Variants in VILL observed in about 807,000 individuals in gnomAD.
VILL encodes villin like.
In VILL, 102 loss-of-function variants were observed where a neutral mutation model predicts 106.3. The ratio of observed to expected loss-of-function variants is 0.96; its 90% CI spans 0.82 to 1.13. The LOEUF (loss-of-function observed/expected upper bound fraction) is 1.13. Among genes scored for constraint, VILL ranks in the 50% most tolerant of loss-of-function variants. The pLI is 0.00. For missense variants in VILL, 1,076 were observed against 1,116.6 expected, an observed-to-expected ratio of 0.96 and a Z score of 0.52; for synonymous variants, 431 against 440.3, an observed-to-expected ratio of 0.98 and a Z score of 0.27.
Position 38,004,302 on chromosome 3 carries a change from C to G in VILL, c.1853C>G (p.Ser618Cys). 1.9e-6 allele frequency: 3 copies of G among 1,613,988 alleles called. No individual in the cohort carries two copies. The highest frequency in any genetic ancestry group is 2.5e-6 in the Non-Finnish European group (3 of 1,179,806). ...TTCCAGCCACGACTGTTTGAGTGCT[C>G]CAGCCACATGGGCTGCCTGGTCCTC... ...PSFQPRLFEC[S>C]SHMGCLVLAE... Residue 618 changes from serine (S) to cysteine (C), a missense_variant, in exon 16 of 20, where the codon TCC becomes TGC. By Grantham distance (112) the Ser-to-Cys change is moderately radical (BLOSUM62 -1). Coordinates refer to ENST00000383759, the MANE Select transcript of VILL (RefSeq NM_015873.4).
At chr3:38,002,608 C>A in intron 14 of VILL, 33 bp downstream of exon 14, 1 of 1,597,122 alleles carries the variant, frequency 6.3e-7, no homozygotes, top group Non-Finnish European at 8.5e-7. Flanking sequence ...GATTCATGCC[C>A]AGATGTAGTG....
At position 38,003,104 on chromosome 3, in the gene VILL, G is replaced by T; in HGVS notation, c.1660-64G>T. 1.9e-6 allele frequency: 3 copies of T among 1,577,188 alleles called. No individual in the cohort carries two copies. In the Admixed American group the frequency reaches 5.4e-5, roughly 28 times the overall value. The stretch of plus-strand genomic sequence containing the variant: ...CCCACCCCATACACCCTGTGAACGG[G>T]ACGTGGGGCCGGAGGTGAAGGCCCC... On this transcript the variant is annotated intron_variant, in intron 14 of 19. Transcript: ENST00000383759.
In VILL at chr3:37,993,899, A is replaced by C; in HGVS notation, c.62A>C (p.Asn21Thr). The C allele has an allele frequency of 6.2e-7, 1 of 1,614,122 alleles. No individual in the cohort carries two copies. Among genetic ancestry groups the C allele is most frequent in the Non-Finnish European group, 8.5e-7 (1 of 1,180,008 alleles). Residue 21 changes from asparagine to threonine, a missense_variant and splice_region_variant, in exon 3 of 20, where the codon AAC (asparagine) becomes ACC (threonine). Coordinates refer to ENST00000383759, the MANE Select transcript of VILL (RefSeq NM_015873.4). ...QGGLHIWISE[N>T]RKMVPVPEGA... is the part of the protein sequence containing the mutation. ...TTACAGGGAACTCTCCTCTCCCAGA[A>C]CCGGAAGATGGTGCCGGTACCCGAG...
intron 15 of VILL, chr3:38,003,553 T>G: frequency 1.9e-6 from 1 of 519,752 alleles, no homozygotes; most frequent in African/African-American, 1.9e-5. Context: ...GCTGGCAGCA[T>G]CCCCTCCCTG....
Position 37,994,331 on chromosome 3 carries a change from G to C in VILL, c.206G>C (p.Gly69Ala), listed in dbSNP as rs755864837. ...DLHYWVGKQA[G>A]AEAQGAAEAF... Reference sequence around the variant, plus strand: ...CACTACTGGGTCGGGAAGCAGGCGGGTGCGGAAGCGCAGGGCGCTGCGGAG... The same window carrying C: ...CACTACTGGGTCGGGAAGCAGGCGGCTGCGGAAGCGCAGGGCGCTGCGGAG... Residue 69 changes from glycine to alanine, a missense_variant, in exon 4 of 20, where the codon GGT becomes GCT. Transcript: ENST00000383759. 1 of 1,611,596 alleles carries C rather than the reference G, an allele frequency of 6.2e-7. No individual in the cohort carries two copies. The highest frequency in any genetic ancestry group is 1.7e-5 in the Admixed American group (1 of 59,946).
At chr3:38,001,991 G>A in intron 13 of VILL, 131 bp downstream of exon 13, 3 of 1,447,810 alleles carry the variant, frequency 2.1e-6, no homozygotes, top group Non-Finnish European at 2.8e-6. Flanking sequence ...CCCAGAGCTT[G>A]TCCAAGGCCC....
At chr3:37,993,430 GA>G (rs944253795) in intron 1 of VILL, 156 bp from the exon 2 acceptor site, 70 of 525,856 alleles carry the variant, frequency 1.3e-4, no homozygotes, top group South Asian at 2.7e-4. Flanking sequence ...GAAAAAACTG[GA>G]AAAAAAAATT....
chr3:38,001,074 C>T (rs1425679526), intron 11 of VILL: 2 of 483,940 alleles, frequency 4.1e-6, no homozygotes, highest in Non-Finnish European at 8.1e-6. Flanking sequence ...AAAGGGAATT[C>T]ATTCAAGAGC....
chr3:37,996,508 A>G (rs772005592), intron 5 of VILL, among the ~76,000 whole-genome samples: 6 of 152,192 alleles, frequency 3.9e-5, no homozygotes, highest in Non-Finnish European at 7.3e-5. Context: ...TCAGGTGTAC[A>G]ACGTCTACAG....
intron 19 of VILL, 107 bp from the exon 20 acceptor site, chr3:38,006,835 C>G: frequency 6.6e-7 from 1 of 1,512,848 alleles, no homozygotes; most frequent in South Asian, 1.3e-5. Flanking sequence ...GGTGGGCAAA[C>G]AGATGCGGGA....
intron 14 of VILL, chr3:38,002,795 C>G (rs1273708245): frequency 1.7e-6 from 1 of 593,072 alleles, no homozygotes; most frequent in Non-Finnish European, 2.9e-6. Flanking sequence ...CAGGCCCAGG[C>G]CGCCTCCCCT....
rs371270015 is a variant in VILL, at chr3:38,005,740, G to A, written c.1951-52G>A. On this transcript the variant is annotated intron_variant, in intron 16 of 19. Coordinates refer to ENST00000383759, the MANE Select transcript of VILL (RefSeq NM_015873.4). The stretch of plus-strand genomic sequence containing the variant: ...ACAGGGAGTGGACAGGAAGGGGTCA[G>A]CTCTGGGCAGCCCCTCCACCTGCCC... The A allele has an allele frequency of 3.7e-5, 57 of 1,560,166 alleles. No homozygotes were observed. The East Asian group carries it at 6.1e-4, about 17-fold the overall frequency.
Position 38,007,014 on chromosome 3 carries a change from TGG to T in VILL, c.2531_2532del (p.Trp844Ter). On this transcript the variant is annotated frameshift_variant, in exon 20 of 20. Transcript: ENST00000383759. LOFTEE classifies it high-confidence loss of function. ...SKEEFYSMAT[W>X]RQRQEKKQLG... ...GGAGGAATTCTACAGCATGGCCACG[TGG>T]AGGCAGCGGCAGGAGAAAAAGCAGC... 6.2e-7 allele frequency: 1 copy of T among 1,614,108 alleles called. No individual in the cohort carries two copies. The highest frequency in any genetic ancestry group is 1.6e-4 in the Middle Eastern group (1 of 6,062).
chr3:38,000,772 C>T (rs1192045693), intron 11 of VILL: 1 of 415,086 alleles, frequency 2.4e-6, no homozygotes, highest in Non-Finnish European at 4.9e-6. Flanking sequence ...TGGAGGTCGG[C>T]TCCCCAGGGA....
At chr3:38,001,644 C>A in intron 12 of VILL, 51 bp downstream of exon 12, 2 of 1,613,308 alleles carry the variant, frequency 1.2e-6, no homozygotes, top group Non-Finnish European at 1.7e-6. Context: ...AAGGGCTGGG[C>A]TCTGGGAGTG....
intron 15 of VILL, 61 bp downstream of exon 15, chr3:38,003,374 G>C: frequency 4.0e-6 from 6 of 1,503,422 alleles, no homozygotes; most frequent in African/African-American, 1.4e-5. Flanking sequence ...CAGAGAGGAG[G>C]GTGGGTGACT....
intron 4 of VILL, among the ~76,000 whole-genome samples, chr3:37,994,870 T>G (rs114833521): frequency 0.011 from 1,628 of 152,368 alleles, 35 homozygotes; most frequent in African/African-American, 0.036. Flanking sequence ...CCTGACGGGA[T>G]CTTTTTGTTT....
At chr3:38,004,440 G>C (rs1340540576) in intron 16 of VILL, 41 bp downstream of exon 16, 1 of 1,586,312 alleles carries the variant, frequency 6.3e-7, no homozygotes, top group East Asian at 2.3e-5. Context: ...GTGAACGGGG[G>C]TGTGTTTCTG....
At position 37,997,531 on chromosome 3, in the gene VILL, C is replaced by T. The variant is rs1302257710; in HGVS notation, c.610C>T (p.Arg204Cys). 9.3e-6 allele frequency: 15 copies of T among 1,613,968 alleles called. No homozygotes were observed. Among genetic ancestry groups the T allele is most frequent in the African/African-American group, 2.7e-5 (2 of 74,910 alleles). The change falls in exon 7 of 20, where the codon CGT (arginine) becomes TGT (cysteine). Residue 204 changes from arginine (R) to cysteine (C), a missense_variant. Arg to Cys is a radical substitution (Grantham distance 180). Coordinates refer to ENST00000383759, the MANE Select transcript of VILL (RefSeq NM_015873.4). The surrounding 1 kb of genome is among the most constrained non-coding windows in gnomAD (Gnocchi z 4.7). The part of the protein sequence containing the change: ...SLRDRERGGG[R>C]AQIGVVDDEA... Reference sequence around the variant, plus strand: ...CCGGGACAGGGAACGTGGTGGTGGTCGTGCACAGATTGGTGTGGTGGATGA... The same window carrying T: ...CCGGGACAGGGAACGTGGTGGTGGTTGTGCACAGATTGGTGTGGTGGATGA...
Sources: gnomAD v4.1 joint callset for allele counts (sites outside exome capture counted in the v4.1 genomes callset) on GRCh38, gnomAD v4.1.1 for gene constraint, Gnocchi (gnomAD v3.1) non-coding constraint, MANE v1.5 for transcripts, NCBI Gene and HGNC (gene_info 2026-07-23, HGNC 2026-07-21) for gene names.